Variants in TLL1 observed in about 807,000 individuals in gnomAD.
TLL1 encodes tolloid like 1, also known as tolloid-like protein 1.
Under a neutral mutation model 128.2 loss-of-function variants are expected in TLL1, and 49 were observed. The observed-to-expected ratio is 0.38, with a 90% CI of 0.30 to 0.48. The LOEUF (loss-of-function observed/expected upper bound fraction) is 0.48. Among genes scored for constraint, TLL1 ranks in the 20% least tolerant of loss-of-function variants. The pLI is 0.96. For synonymous variants in TLL1, 454 were observed against 418.8 expected, an observed-to-expected ratio of 1.08 and a Z score of -1.03; for missense variants, 1,123 against 1,242.0, an observed-to-expected ratio of 0.90 and a Z score of 1.44.
chr4:166,087,711 T>C (rs1187835233), intron 18 of TLL1, among the ~76,000 whole-genome samples: 2 of 152,198 alleles, frequency 1.3e-5, no homozygotes, highest in Admixed American at 6.6e-5. Context: ...ATTGCCTGTA[T>C]GTTCAATAAA....
At chr4:166,016,705 T>C (rs1279179659) in intron 8 of TLL1, among the ~76,000 whole-genome samples, 1 of 152,020 alleles carries the variant, frequency 6.6e-6, no homozygotes, top group African/African-American at 2.4e-5. Context: ...AAAAAGATAT[T>C]TTGTATTTCT....
chr4:165,897,662 C>CTTTTTTTTTTTTTTTTTTT lies in TLL1; in HGVS notation c.169+23595_169+23613dup, dbSNP rs951819686. Among the ~76,000 whole-genome samples the CTTTTTTTTTTTTTTTTTTT allele has an allele frequency of 1.3e-4, 6 of 47,540 alleles. 1 individual carries two copies. The highest frequency in any genetic ancestry group is 3.6e-4 in the African/African-American group (4 of 11,150). The allele number at this position is 47,540 out of a possible 152,430, so 31.2% of individuals were successfully genotyped here. A position where few individuals can be genotyped will look rare whatever the true frequency, so the allele number is the denominator to read the frequency against. ...TATAGTTTGAAGTCAGGTAGTCCAG[C>CTTTTTTTTTTTTTTTTTTT]TTTTTTTTTTTTTTTTTTTTTTTTG... On this transcript the variant is annotated intron_variant, in intron 1 of 20. Transcript: ENST00000061240.
intron 1 of TLL1, among the ~76,000 whole-genome samples, chr4:165,961,866 A>G (rs1735121929): frequency 6.6e-6 from 1 of 152,094 alleles, no homozygotes; most frequent in African/African-American, 2.4e-5. Context: ...AAAAATATAT[A>G]TGATCATCTC....
At chr4:165,927,065 GA>G (rs1733306454) in intron 1 of TLL1, among the ~76,000 whole-genome samples, 1 of 152,136 alleles carries the variant, frequency 6.6e-6, no homozygotes, top group Non-Finnish European at 1.5e-5. Context: ...AACTAGAGTA[GA>G]ACTCTGCAAA....
chr4:166,088,543 GC>G, intron 18 of TLL1, among the ~76,000 whole-genome samples: 1 of 152,124 alleles, frequency 6.6e-6, no homozygotes, highest in Non-Finnish European at 1.5e-5. Context: ...GTGTGGTGGA[GC>G]TTTTAGTTCA....
At chr4:165,912,695 A>G (rs975474099) in intron 1 of TLL1, among the ~76,000 whole-genome samples, 8 of 152,278 alleles carry the variant, frequency 5.3e-5, no homozygotes, top group East Asian at 1.9e-4. Context: ...ATAGAATGTG[A>G]GAAGTTAGGG....
rs370363701 is a variant in TLL1, at chr4:166,024,546, A to G, written c.1043-770A>G. On this transcript the variant is annotated intron_variant, in intron 8 of 20. Transcript: ENST00000061240. ...GCACATTGCATCTCTTGCAAGAGCAACAGGGAAGCCCGTTGTAGAATGGTG... is the reference window on the plus strand; with the variant it reads ...GCACATTGCATCTCTTGCAAGAGCAGCAGGGAAGCCCGTTGTAGAATGGTG... 6.4e-3 allele frequency among the ~76,000 whole-genome samples: 979 copies of G among 152,304 alleles called. 14 individuals are homozygous for G. Among genetic ancestry groups the G allele is most frequent in the African/African-American group, 0.022 (933 of 41,572 alleles).
chr4:166,042,477 CTGTT>C (rs1456139469), intron 11 of TLL1, among the ~76,000 whole-genome samples: 4 of 152,126 alleles, frequency 2.6e-5, no homozygotes, highest in Non-Finnish European at 5.9e-5. Context: ...GATTTTGTGT[CTGTT>C]TGGTCCCTGT....
chr4:165,989,662 A>ATT (rs1169318230), intron 2 of TLL1, among the ~76,000 whole-genome samples, 171 bp downstream of exon 2: 4 of 92,020 alleles, frequency 4.3e-5, no homozygotes, highest in African/African-American at 1.4e-4. Context: ...TCATTTTATT[A>ATT]ATTTTTTTTT....
chr4:165,989,606 A>G (rs1228592493), intron 2 of TLL1, 115 bp downstream of exon 2: 10 of 698,022 alleles, frequency 1.4e-5, no homozygotes, highest in East Asian at 1.3e-4. Context: ...CTGACTTCCT[A>G]TACACAAATA....
intron 1 of TLL1, among the ~76,000 whole-genome samples, chr4:165,980,202 A>C (rs984387262): frequency 6.7e-6 from 1 of 148,334 alleles, no homozygotes; most frequent in African/African-American, 2.6e-5. Flanking sequence ...CTGAGTGTCC[A>C]GTCCCCTTAT....
At chr4:166,028,709 A>G (rs111314313) in intron 9 of TLL1, among the ~76,000 whole-genome samples, 1,551 of 152,126 alleles carry the variant, frequency 0.01, 29 homozygotes, top group African/African-American at 0.033. Flanking sequence ...TTAAACTATT[A>G]TCACTGTATA....
intron 1 of TLL1, among the ~76,000 whole-genome samples, chr4:165,878,919 C>CTTT: frequency 8.9e-6 from 1 of 111,970 alleles, no homozygotes; most frequent in Non-Finnish European, 1.8e-5. Context: ...ATGATGGCTT[C>CTTT]CTTTTTTTTT....
intron 1 of TLL1, among the ~76,000 whole-genome samples, chr4:165,938,686 C>T (rs1733871981): frequency 6.6e-6 from 1 of 152,032 alleles, no homozygotes; most frequent in Admixed American, 6.6e-5. Flanking sequence ...TGCAAAAATT[C>T]CCTGTGCTTA....
At chr4:166,021,540 C>A (rs1738234380) in intron 8 of TLL1, among the ~76,000 whole-genome samples, 1 of 148,556 alleles carries the variant, frequency 6.7e-6, no homozygotes, top group South Asian at 2.1e-4. Context: ...TCAAGCAATT[C>A]TCCTGCCTCA....
At chr4:166,073,873 T>C (rs1014169491) in intron 16 of TLL1, among the ~76,000 whole-genome samples, 33 of 151,840 alleles carry the variant, frequency 2.2e-4, no homozygotes, top group African/African-American at 7.3e-4. Flanking sequence ...CAGCTGAGAG[T>C]AACAATTTGA....
chr4:166,064,710 G>T (rs1740492446), intron 15 of TLL1, among the ~76,000 whole-genome samples: 1 of 151,922 alleles, frequency 6.6e-6, no homozygotes, highest in Admixed American at 6.6e-5. Context: ...AACATCTTTA[G>T]CCTCGGAAAC....
intron 16 of TLL1, among the ~76,000 whole-genome samples, chr4:166,072,998 T>A (rs1222531705): frequency 6.6e-6 from 1 of 152,150 alleles, no homozygotes; most frequent in Non-Finnish European, 1.5e-5. Context: ...TGAGCTTCAC[T>A]CTATCGGGTC....
chr4:166,030,308 T>C, intron 9 of TLL1: 1 of 397,554 alleles, frequency 2.5e-6, no homozygotes, highest in Non-Finnish European at 4.5e-6. Flanking sequence ...TATATCGTCC[T>C]TGTAGAAATA....
Sources: gnomAD v4.1 joint callset for allele counts (sites outside exome capture counted in the v4.1 genomes callset) on GRCh38, gnomAD v4.1.1 for gene constraint, MANE v1.5 for transcripts, NCBI Gene and HGNC (gene_info 2026-07-23, HGNC 2026-07-21) for gene names.